Variants in POU6F2 observed in about 807,000 individuals in gnomAD.
POU6F2 encodes POU domain, class 6, transcription factor 2.
POU6F2 carries 31 observed loss-of-function variants against 71.3 expected under a neutral mutation model. The ratio of observed to expected loss-of-function variants is 0.43; its 90% CI spans 0.33 to 0.59. The LOEUF (loss-of-function observed/expected upper bound fraction) is 0.59, where lower values mean the gene tolerates loss of function less well. Ranked by LOEUF, POU6F2 falls within the 20% of genes least tolerant of loss-of-function variation. POU6F2 has a pLI of 0.04. For missense variants in POU6F2, 783 were observed against 856.8 expected, an observed-to-expected ratio of 0.91 and a Z score of 1.07; for synonymous variants, 347 against 355.7, an observed-to-expected ratio of 0.98 and a Z score of 0.27.
chr7:39,152,370 G>T (rs1013231792), intron 2 of POU6F2, among the ~76,000 whole-genome samples: 6 of 152,030 alleles, frequency 3.9e-5, no homozygotes, highest in African/African-American at 1.5e-4. Flanking sequence ...TGTCCCCAAA[G>T]GTTCCTGCTT....
intron 3 of POU6F2, 135 bp downstream of exon 3, chr7:39,204,461 A>G (rs547405886): frequency 3.1e-6 from 2 of 649,700 alleles, no homozygotes; most frequent in East Asian, 2.8e-5. Context: ...TTCGTATGAA[A>G]AGCTGTATGA....
At chr7:39,237,152 T>G (rs1185766491) in intron 4 of POU6F2, among the ~76,000 whole-genome samples, 1 of 152,158 alleles carries the variant, frequency 6.6e-6, no homozygotes, top group Non-Finnish European at 1.5e-5. Context: ...GAAGCCTGAA[T>G]GAAGCTGGAG....
At chr7:39,324,888 C>A (rs1785476883) in intron 4 of POU6F2, among the ~76,000 whole-genome samples, 1 of 152,146 alleles carries the variant, frequency 6.6e-6, no homozygotes, top group African/African-American at 2.4e-5. Context: ...CAGTTGCGTT[C>A]TTTTTAGCTT....
At chr7:39,414,932 C>G (rs867494613) in intron 6 of POU6F2, among the ~76,000 whole-genome samples, 1 of 151,908 alleles carries the variant, frequency 6.6e-6, no homozygotes, top group African/African-American at 2.4e-5. Context: ...TAGAGAGGAC[C>G]AAGTTCTCTC....
intron 2 of POU6F2, among the ~76,000 whole-genome samples, chr7:39,153,701 T>C (rs529311695): frequency 6.6e-6 from 1 of 152,346 alleles, no homozygotes; most frequent in South Asian, 2.1e-4. Flanking sequence ...GTGCTACTTA[T>C]TCAGTTTTTT....
chr7:39,117,336 T>C (rs1791951427), intron 2 of POU6F2, among the ~76,000 whole-genome samples: 1 of 152,138 alleles, frequency 6.6e-6, no homozygotes, highest in Non-Finnish European at 1.5e-5. Context: ...AGCTCCCATA[T>C]TGATACTACT....
intron 4 of POU6F2, among the ~76,000 whole-genome samples, chr7:39,312,140 T>C (rs1425336906): frequency 1.3e-5 from 2 of 150,912 alleles, no homozygotes; most frequent in African/African-American, 4.9e-5. Flanking sequence ...TCCAACATAA[T>C]ATAAAGGAAT....
chr7:39,040,560 T>C (rs1401959132), intron 1 of POU6F2, among the ~76,000 whole-genome samples: 2 of 151,796 alleles, frequency 1.3e-5, no homozygotes, highest in African/African-American at 4.8e-5. Context: ...AAAGCTATGT[T>C]TTCCAGAAGA....
At chr7:39,009,138 A>T (rs1478166518) in intron 1 of POU6F2, among the ~76,000 whole-genome samples, 1 of 151,920 alleles carries the variant, frequency 6.6e-6, no homozygotes, top group Non-Finnish European at 1.5e-5. Context: ...CACGATATTG[A>T]TTCTTCCTAC....
intron 1 of POU6F2, among the ~76,000 whole-genome samples, chr7:38,985,588 G>C (rs1788443465): frequency 6.6e-6 from 1 of 152,112 alleles, no homozygotes; most frequent in South Asian, 2.1e-4. Flanking sequence ...CCCTAGGTCA[G>C]AATTTGAGAA....
intron 7 of POU6F2, among the ~76,000 whole-genome samples, chr7:39,438,747 C>G (rs1788313875): frequency 6.6e-6 from 1 of 152,148 alleles, no homozygotes; most frequent in Non-Finnish European, 1.5e-5. Context: ...TCAGTTCTTT[C>G]ACATTTGATG....
At chr7:39,353,388 A>G (rs1406911634) in intron 5 of POU6F2, among the ~76,000 whole-genome samples, 1 of 152,260 alleles carries the variant, frequency 6.6e-6, no homozygotes, top group Non-Finnish European at 1.5e-5. Flanking sequence ...CTAAAGGGTT[A>G]AACTATTATG....
chr7:39,231,868 C>G (rs532812091), intron 4 of POU6F2, among the ~76,000 whole-genome samples: 30 of 152,230 alleles, frequency 2.0e-4, no homozygotes, highest in Middle Eastern at 3.4e-3. Flanking sequence ...TTTCTTGGAG[C>G]AGTTGAAATG....
chr7:39,130,176 GTGTGTT>G lies in POU6F2; in HGVS notation c.277+44147_277+44152del, dbSNP rs1442901933. On this transcript the variant is annotated intron_variant, in intron 2 of 9. Coordinates refer to ENST00000518318, the MANE Select transcript of POU6F2 (RefSeq NM_001370959.1). ...TGTGTGTGTGTGTGTGTGTGTGTGT[GTGTGTT>G]TTAATGTCTTTTCCTTTCTATAGGA... Among the ~76,000 whole-genome samples, 22 of 140,120 alleles carry G rather than the reference GTGTGTT, an allele frequency of 1.6e-4. No homozygotes were observed. In the East Asian group the frequency reaches 4.8e-3, roughly 30 times the overall value. The allele number at this position is 140,120 out of a possible 152,430, so 91.9% of individuals were successfully genotyped here.
At position 39,168,659 on chromosome 7, in the gene POU6F2, C is replaced by T. The variant is rs185479289; in HGVS notation, c.278-35576C>T. Among the ~76,000 whole-genome samples, 225 of 152,296 alleles carry T rather than the reference C, an allele frequency of 1.5e-3. 3 individuals are homozygous for T. Among genetic ancestry groups the T allele is most frequent in the Non-Finnish European group, 2.2e-3 (148 of 68,018 alleles). Reference sequence around the variant, plus strand: ...GGGTGGTTGTCCGATACAGGCTTAACTGGAGTGGTGCAAATTGTGCCAGTA... The same window carrying T: ...GGGTGGTTGTCCGATACAGGCTTAATTGGAGTGGTGCAAATTGTGCCAGTA... On this transcript the variant is annotated intron_variant, in intron 2 of 9. Transcript: ENST00000518318.
At chr7:39,417,947 A>T (rs954228242) in intron 6 of POU6F2, among the ~76,000 whole-genome samples, 1 of 152,230 alleles carries the variant, frequency 6.6e-6, no homozygotes, top group African/African-American at 2.4e-5. Context: ...TAATAAATTA[A>T]TATGTTGCTG....
intron 2 of POU6F2, among the ~76,000 whole-genome samples, chr7:39,159,257 T>A (rs1176842591): frequency 6.6e-6 from 1 of 152,198 alleles, no homozygotes; most frequent in Non-Finnish European, 1.5e-5. Context: ...TAGGATTATG[T>A]TCTTGTCTAT....
chr7:39,344,919 C>T lies in POU6F2; in HGVS notation c.972+4904C>T, dbSNP rs557642744. On this transcript the variant is annotated intron_variant, in intron 5 of 9. Transcript: ENST00000518318. ...CTACCTACACAGGGCTAAATCACTA[C>T]GCAGAATTCTCCTAGCCAGGACTGA... Among the ~76,000 whole-genome samples the T allele has an allele frequency of 4.1e-4, 63 of 152,240 alleles. No individual in the cohort carries two copies. In the South Asian group the frequency reaches 0.011, roughly 26 times the overall value.
At chr7:39,296,597 C>T (rs753140298) in intron 4 of POU6F2, among the ~76,000 whole-genome samples, 10 of 152,200 alleles carry the variant, frequency 6.6e-5, no homozygotes, top group Non-Finnish European at 1.5e-4. Flanking sequence ...GACTCCCTCC[C>T]ACTGCACAGT....
Sources: allele counts gnomAD v4.1 joint callset (sites outside exome capture counted in the v4.1 genomes callset), GRCh38; gene constraint gnomAD v4.1.1; transcripts MANE v1.5; gene names NCBI Gene and HGNC (gene_info 2026-07-23, HGNC 2026-07-21).